The following THAP3 variants were observed in gnomAD, a reference collection of about 807,000 sequenced individuals.
THAP3 encodes the protein THAP domain-containing protein 3.
A neutral mutation model predicts 17.7 loss-of-function variants in THAP3; 12 were observed. The ratio of observed to expected loss-of-function variants is 0.68; its 90% CI spans 0.43 to 1.10. The LOEUF (loss-of-function observed/expected upper bound fraction) is 1.10, where lower values mean the gene tolerates loss of function less well. Ranked by LOEUF, THAP3 falls within the 50% of genes least tolerant of loss-of-function variation. The probability of loss-of-function intolerance (pLI) is 0.00; values close to 1 mark genes in which losing one functional copy is unlikely to be tolerated. For missense variants in THAP3, 289 were observed against 318.0 expected, an observed-to-expected ratio of 0.91 and a Z score of 0.69; for synonymous variants, 133 against 126.9, an observed-to-expected ratio of 1.05 and a Z score of -0.32.
chr1:6,635,026 A>T (rs1226985251), downstream of THAP3: 1 of 411,328 alleles, frequency 2.4e-6, no homozygotes, highest in Non-Finnish European at 3.9e-6. Flanking sequence ...CGGGAGTTAC[A>T]CTACCCTGTC....
rs774544046 is a variant in THAP3 at position 6,633,013 on chromosome 1, G to A, written c.656G>A (p.Arg219His). The change falls in exon 6 of 6, where the codon CGC becomes CAC. Residue 219 changes from arginine to histidine, a missense_variant. By Grantham distance (29) the Arg-to-His change is conservative (BLOSUM62 0). Transcript: ENST00000054650. The part of the protein sequence containing the change: ...QRLVMRRMSS[R>H]LRACKGHQGL... Reference sequence around the variant, plus strand: ...CTGGTGATGCGAAGGATGTCCAGCCGCCTCCGTGCTTGCAAAGGGCACCAG... The same window carrying A: ...CTGGTGATGCGAAGGATGTCCAGCCACCTCCGTGCTTGCAAAGGGCACCAG... 17 of 1,612,184 alleles carry A rather than the reference G, an allele frequency of 1.1e-5. No homozygotes were observed. The highest frequency in any genetic ancestry group is 1.7e-4 in the Middle Eastern group (1 of 6,006).
chr1:6,633,976 A>AGTT (rs771451630), downstream of THAP3: 1 of 1,566,362 alleles, frequency 6.4e-7, no homozygotes, highest in South Asian at 1.2e-5. Flanking sequence ...TAAAGAAAAA[A>AGTT]GTTCTAGCCT....
At position 6,632,845 on chromosome 1, in the gene THAP3, G is replaced by T; in HGVS notation, c.488G>T (p.Gly163Val). 2 of 1,612,944 alleles carry T rather than the reference G, an allele frequency of 1.2e-6. No individual in the cohort carries two copies. The highest frequency in any genetic ancestry group is 1.7e-6 in the Non-Finnish European group (2 of 1,179,902). Residue 163 changes from glycine (G) to valine (V), a missense_variant, in exon 6 of 6, where the codon GGC becomes GTC. By Grantham distance (109) the Gly-to-Val change is moderately radical (BLOSUM62 -3). Coordinates refer to ENST00000054650, the MANE Select transcript of THAP3 (RefSeq NM_001195753.2). ...ACAGAGGCTGTTGGCCGGCCGACTGGCCCTGCAGGCCTGAGAAGGACCCCC... is the reference window on the plus strand; with the variant it reads ...ACAGAGGCTGTTGGCCGGCCGACTGTCCCTGCAGGCCTGAGAAGGACCCCC... ...QATEAVGRPTGPAGLRRTPNK... is the reference protein window; with the variant it reads ...QATEAVGRPTVPAGLRRTPNK...
At chr1:6,626,095 C>T (rs1426582102) in intron 2 of THAP3, among the ~76,000 whole-genome samples, 1 of 151,082 alleles carries the variant, frequency 6.6e-6, no homozygotes, top group Non-Finnish European at 1.5e-5. Flanking sequence ...ATCGCTTGAG[C>T]CTGGGAGTTC....
chr1:6,630,198 G>A (rs912380709), intron 3 of THAP3, 90 bp from the exon 4 acceptor site: 15 of 1,153,822 alleles, frequency 1.3e-5, no homozygotes, highest in Admixed American at 1.2e-4. Context: ...GCAGTGGGCC[G>A]AGCAGCGGGG....
At chr1:6,628,763 G>T in intron 3 of THAP3, 72 bp downstream of exon 3, 1 of 1,477,296 alleles carries the variant, frequency 6.8e-7, no homozygotes. Flanking sequence ...GGGGCAGTGG[G>T]GGTGGCGGCA....
At position 6,633,360 on chromosome 1, in the gene THAP3, C is replaced by T; in HGVS notation, c.*283C>T. The T allele has an allele frequency of 1.5e-6, 2 of 1,315,188 alleles. No homozygotes were observed. Among genetic ancestry groups the T allele is most frequent in the East Asian group, 3.3e-5 (1 of 29,968 alleles). The allele number at this position is 1,315,188 out of a possible 1,614,324, so 81.5% of individuals were successfully genotyped here. A position where few individuals can be genotyped will look rare whatever the true frequency, so the allele number is the denominator to read the frequency against. ...GCTGAGGCTGATTCTGGACGCTGTC[C>T]TTTCAGCACACGCAGAGCAAAGATC... is the stretch of plus-strand genomic sequence containing the variant. On this transcript the variant is annotated 3_prime_UTR_variant, in exon 6 of 6. Transcript: ENST00000054650.
At chr1:6,634,675 C>T (rs1237228009), downstream of THAP3, 3 of 1,366,248 alleles carry the variant, frequency 2.2e-6, no homozygotes, top group Non-Finnish European at 2.9e-6. Context: ...CTGCATTCTG[C>T]ATCCCAAGTG....
At chr1:6,634,773 C>G (rs780000603), downstream of THAP3, 2 of 1,325,138 alleles carry the variant, frequency 1.5e-6, no homozygotes, top group Non-Finnish European at 1.0e-6. Flanking sequence ...GAGCGGGGAG[C>G]TGCAGTGCCA....
intron 2 of THAP3, chr1:6,628,262 T>G: frequency 2.1e-6 from 1 of 487,416 alleles, no homozygotes; most frequent in East Asian, 3.7e-5. Context: ...AAATGTAGCA[T>G]CGGAAGCAGC....
intron 2 of THAP3, among the ~76,000 whole-genome samples, chr1:6,625,513 G>A (rs1360075497): frequency 1.3e-5 from 2 of 151,968 alleles, no homozygotes; most frequent in African/African-American, 4.8e-5. Flanking sequence ...CGGGGCCAGG[G>A]CCGGGACGTG....
At chr1:6,628,417 G>T in intron 2 of THAP3, 82 bp from the exon 3 acceptor site, 1 of 1,160,872 alleles carries the variant, frequency 8.6e-7, no homozygotes, top group Non-Finnish European at 1.2e-6. Context: ...GAAGTACTCT[G>T]TAGTGATGTG....
chr1:6,625,174 G>A lies in THAP3; in HGVS notation c.-45G>A, dbSNP rs1191141234. The A allele has an allele frequency of 8.2e-6, 10 of 1,214,418 alleles. No homozygotes were observed. The highest frequency in any genetic ancestry group is 9.0e-6 in the Non-Finnish European group (8 of 884,466). The allele number at this position is 1,214,418 out of a possible 1,614,324, so 75.2% of individuals were successfully genotyped here. A position where few individuals can be genotyped will look rare whatever the true frequency, so the allele number is the denominator to read the frequency against. On this transcript the variant is annotated 5_prime_UTR_variant, in exon 2 of 6. Transcript: ENST00000054650. ...GGTCCCTCCCCTCTCCGCAGGCCCC[G>A]CCGCCGCCGCCATCTTTGTTGGGGG... is the stretch of plus-strand genomic sequence containing the variant.
Position 6,632,293 on chromosome 1 carries a change from C to T in THAP3, c.334-98C>T. 2.6e-6 allele frequency: 4 copies of T among 1,529,110 alleles called. No individual in the cohort carries two copies. The South Asian group carries it at 4.7e-5, about 18-fold the overall frequency. 94.7% of individuals were successfully genotyped at this position (1,529,110 alleles called of 1,614,324 possible). A position where few individuals can be genotyped will look rare whatever the true frequency, so the allele number is the denominator to read the frequency against. ...GAGGGGCACAGACCCTGGAGCTGGT[C>T]CCTGGCTGTTGCCACTCCCCTAGAG... On this transcript the variant is annotated intron_variant, in intron 4 of 5. Coordinates refer to ENST00000054650, the MANE Select transcript of THAP3 (RefSeq NM_001195753.2).
chr1:6,634,695 A>C, downstream of THAP3: 3 of 1,365,894 alleles, frequency 2.2e-6, no homozygotes, highest in Non-Finnish European at 2.9e-6. Context: ...GGGCACGTGG[A>C]GGAAGGGTCT....
chr1:6,625,033 G>A, intron 1 of THAP3, 79 bp downstream of exon 1: 2 of 606,564 alleles, frequency 3.3e-6, no homozygotes, highest in East Asian at 3.3e-5. Flanking sequence ...TTTACGTGGC[G>A]CCCCGGGTCC....
At chr1:6,632,222 A>AG in intron 4 of THAP3, 169 bp from the exon 5 acceptor site, 4 of 830,324 alleles carry the variant, frequency 4.8e-6, no homozygotes, top group Non-Finnish European at 7.3e-6. Flanking sequence ...TCAAAAAAAA[A>AG]AAAAAGTTCA....
At chr1:6,635,447 T>C (rs1433706145), downstream of THAP3, 4 of 523,508 alleles carry the variant, frequency 7.6e-6, no homozygotes, top group Admixed American at 6.5e-5. Context: ...AAAACAGCCA[T>C]GGGCCAGGCT....
Position 6,633,092 on chromosome 1 carries a change from G to C in THAP3, c.*15G>C. The C allele has an allele frequency of 6.3e-7, 1 of 1,581,982 alleles. No individual in the cohort carries two copies. Among genetic ancestry groups the C allele is most frequent in the Non-Finnish European group, 8.6e-7 (1 of 1,165,112 alleles). On this transcript the variant is annotated 3_prime_UTR_variant, in exon 6 of 6. Transcript: ENST00000054650. ...AGCAGAGCTGAGCCCCACAGGCTCC[G>C]GACGCAGAGGTGGCAGTGGCACCAG...
Sources: allele counts gnomAD v4.1 joint callset (sites outside exome capture counted in the v4.1 genomes callset), GRCh38; gene constraint gnomAD v4.1.1; transcripts MANE v1.5; gene names NCBI Gene and HGNC (gene_info 2026-07-23, HGNC 2026-07-21).